GABBR2: variants seen among roughly 807,000 people sequenced by gnomAD.
The protein encoded by GABBR2 is gamma-aminobutyric acid type B receptor subunit 2, also known as G-protein coupled receptor 51.
A neutral mutation model predicts 105.6 loss-of-function variants in GABBR2; 23 were observed. The observed-to-expected ratio is 0.22, with a 90% CI of 0.16 to 0.31. The LOEUF (loss-of-function observed/expected upper bound fraction) is 0.31, where lower values mean the gene tolerates loss of function less well. Ranked by LOEUF, GABBR2 falls within the 10% of genes least tolerant of loss-of-function variation. The pLI is 1.00. For synonymous variants in GABBR2, 478 were observed against 499.7 expected (o/e 0.96, Z 0.58); for missense variants, 734 against 1,245.5 (o/e 0.59, Z 6.18).
intron 1 of GABBR2, among the ~76,000 whole-genome samples, chr9:98,590,646 C>T (rs890003869): frequency 1.3e-5 from 2 of 152,206 alleles, no homozygotes; most frequent in African/African-American, 4.8e-5. Context: ...CAGCCCTTCT[C>T]CGGGGGTGGG....
intron 13 of GABBR2, among the ~76,000 whole-genome samples, chr9:98,325,762 C>T (rs367987127): frequency 6.6e-6 from 1 of 152,174 alleles, no homozygotes; most frequent in South Asian, 2.1e-4. Context: ...CAAACCACAG[C>T]ATGGAGCTTG....
intron 1 of GABBR2, chr9:98,607,791 TAAC>T: frequency 1.2e-6 from 1 of 805,078 alleles, no homozygotes; most frequent in African/African-American, 1.7e-5. Flanking sequence ...ATGGAATTGA[TAAC>T]AACAAGAATA....
intron 1 of GABBR2, among the ~76,000 whole-genome samples, chr9:98,619,922 A>G (rs1829644513): frequency 6.6e-6 from 1 of 151,484 alleles, no homozygotes; most frequent in Non-Finnish European, 1.5e-5. Context: ...CTGCATATGA[A>G]CCCCAGCTCA....
chr9:98,488,714 G>C (rs77741678), intron 4 of GABBR2, among the ~76,000 whole-genome samples: 32 of 152,044 alleles, frequency 2.1e-4, no homozygotes, highest in Non-Finnish European at 2.4e-4. Context: ...AAGAAGAAAT[G>C]GGGGGAGACA....
At chr9:98,576,847 G>A (rs1158713823) in intron 2 of GABBR2, among the ~76,000 whole-genome samples, 4 of 152,122 alleles carry the variant, frequency 2.6e-5, no homozygotes, top group Non-Finnish European at 4.4e-5. Context: ...GTTCAGCATT[G>A]TATCCCCAGT....
At position 98,388,909 on chromosome 9, in the gene GABBR2, C is replaced by A; in HGVS notation, c.1474G>T (p.Gly492Trp). 1 of 1,613,654 alleles carries A rather than the reference C, an allele frequency of 6.2e-7. No individual in the cohort carries two copies. The highest frequency in any genetic ancestry group is 8.5e-7 in the Non-Finnish European group (1 of 1,179,658). ...AGAAAAGCACTGGCCATGATCATCCCGAGGATGGTGAGGGCAGAGAGGATG... is the reference window on the plus strand; with the variant it reads ...AGAAAAGCACTGGCCATGATCATCCAGAGGATGGTGAGGGCAGAGAGGATG... Reference protein sequence around the residue: ...YSILSALTILGMIMASAFLFF... With the variant: ...YSILSALTILWMIMASAFLFF... The change falls in exon 10 of 19, where the codon GGG becomes TGG. Residue 492 changes from glycine (G) to tryptophan (W), a missense_variant. Gly to Trp is a radical substitution (Grantham distance 184). Transcript: ENST00000259455. The surrounding 1 kb of genome is among the most constrained non-coding windows in gnomAD (Gnocchi z 4.4).
rs536383252 is a variant in GABBR2, at chr9:98,498,837, C to T, written c.631-2323G>A. On this transcript the variant is annotated intron_variant, in intron 3 of 18. Transcript: ENST00000259455. ...AAATCCTTCTGGATACAGGTGGGCC[C>T]CATGATGAGTTTTGAGCAGCACGAG... Among the ~76,000 whole-genome samples the T allele has an allele frequency of 4.0e-4, 61 of 152,310 alleles. No homozygotes were observed. In the South Asian group the frequency reaches 7.7e-3, roughly 19 times the overall value.
chr9:98,523,679 A>G (rs1193844579), intron 3 of GABBR2, among the ~76,000 whole-genome samples: 2 of 152,208 alleles, frequency 1.3e-5, no homozygotes, highest in Non-Finnish European at 2.9e-5. Flanking sequence ...AGCAGTAACC[A>G]GTGGGACCAG....
intron 6 of GABBR2, among the ~76,000 whole-genome samples, chr9:98,459,228 A>T (rs1370377617): frequency 6.6e-6 from 1 of 152,342 alleles, no homozygotes; most frequent in Admixed American, 6.5e-5. Flanking sequence ...GAAATCGCTT[A>T]TATCAGACCA....
At chr9:98,605,031 A>G (rs755092186) in intron 1 of GABBR2, among the ~76,000 whole-genome samples, 1 of 152,190 alleles carries the variant, frequency 6.6e-6, no homozygotes, top group Non-Finnish European at 1.5e-5. Flanking sequence ...TCCCACCCAC[A>G]TCACCCCTAA....
intron 1 of GABBR2, among the ~76,000 whole-genome samples, chr9:98,650,370 CAT>C (rs1388148593): frequency 6.6e-6 from 1 of 152,150 alleles, no homozygotes; most frequent in Non-Finnish European, 1.5e-5. Flanking sequence ...GTACTCATCT[CAT>C]AGGGTTAACT....
chr9:98,708,413 T>TGAAG lies in GABBR2; in HGVS notation c.321+3_321+4insCTTC. The TGAAG allele has an allele frequency of 7.0e-7, 1 of 1,434,112 alleles. No homozygotes were observed. The highest frequency in any genetic ancestry group is 1.4e-5 in the African/African-American group (1 of 69,710). 88.8% of individuals were successfully genotyped at this position (1,434,112 alleles called of 1,614,324 possible). A position where few individuals can be genotyped will look rare whatever the true frequency, so the allele number is the denominator to read the frequency against. ...CCCGACGGCAGGGGCAGCCGGACAC[T>TGAAG]CACCTCCGTGTCATAGAGCCGCAGG... On this transcript the variant is annotated splice_donor_region_variant and intron_variant, in intron 1 of 18. Coordinates refer to ENST00000259455, the MANE Select transcript of GABBR2 (RefSeq NM_005458.8).
At chr9:98,678,199 T>A (rs1830498943) in intron 1 of GABBR2, among the ~76,000 whole-genome samples, 1 of 152,162 alleles carries the variant, frequency 6.6e-6, no homozygotes. Context: ...TGATTTTTCT[T>A]TTTGCCAACT....
intron 15 of GABBR2, among the ~76,000 whole-genome samples, chr9:98,303,908 C>T (rs780145689): frequency 6.6e-6 from 1 of 152,256 alleles, no homozygotes; most frequent in Non-Finnish European, 1.5e-5. Flanking sequence ...CTTAAAACAA[C>T]ACATGGTTAT....
intron 8 of GABBR2, 87 bp downstream of exon 8, chr9:98,405,994 A>T: frequency 1.3e-6 from 1 of 780,386 alleles, no homozygotes; most frequent in Non-Finnish European, 2.2e-6. Context: ...TCACACTTGC[A>T]TTCCTTTTGA....
chr9:98,437,668 A>T (rs946505399), intron 7 of GABBR2, among the ~76,000 whole-genome samples: 1 of 149,904 alleles, frequency 6.7e-6, no homozygotes, highest in African/African-American at 2.5e-5. Context: ...CCACACATCC[A>T]TCTGTGCATA....
At chr9:98,321,125 C>G (rs776368220) in intron 13 of GABBR2, among the ~76,000 whole-genome samples, 1 of 152,096 alleles carries the variant, frequency 6.6e-6, no homozygotes, top group Non-Finnish European at 1.5e-5. Context: ...AGGCTCAGGA[C>G]CTTCCCAGGA....
At chr9:98,618,522 G>C (rs868584015) in intron 1 of GABBR2, among the ~76,000 whole-genome samples, 63 of 113,508 alleles carry the variant, frequency 5.6e-4, no homozygotes, top group African/African-American at 2.1e-3. Context: ...CTCTCTCTCT[G>C]TCTCTCTGAC....
chr9:98,708,689 G>T lies in GABBR2; in HGVS notation c.49C>A (p.Pro17Thr). The change falls in exon 1 of 19, where the codon CCA (proline) becomes ACA (threonine). Residue 17 changes from proline (P) to threonine (T), a missense_variant. Around this residue, in one of 7 missense-constraint regions of GABBR2, gnomAD observed 70 missense variants for 73.4 expected, o/e 0.95. Coordinates refer to ENST00000259455, the MANE Select transcript of GABBR2 (RefSeq NM_005458.8). ...SGQPGPPPPPPPPPARLLLLL... is the reference protein window; with the variant it reads ...SGQPGPPPPPTPPPARLLLLL... ...AGTAGCAGGCGCGCGGGCGGCGGTG[G>T]CGGCGGCGGCGGCGGCCCGGGCTGC... The T allele has an allele frequency of 1.0e-6, 1 of 989,422 alleles. No homozygotes were observed. The highest frequency in any genetic ancestry group is 1.2e-6 in the Non-Finnish European group (1 of 826,830). The allele number at this position is 989,422 out of a possible 1,614,324, so 61.3% of individuals were successfully genotyped here. A position where few individuals can be genotyped will look rare whatever the true frequency, so the allele number is the denominator to read the frequency against.
Sources: allele counts gnomAD v4.1 joint callset (sites outside exome capture counted in the v4.1 genomes callset), GRCh38; gene constraint gnomAD v4.1.1; regional missense constraint gnomAD v4.1.1; non-coding constraint Gnocchi (gnomAD v3.1); transcripts MANE v1.5; gene names NCBI Gene and HGNC (gene_info 2026-07-23, HGNC 2026-07-21).